Variants in DNAJC24 observed in about 807,000 individuals in gnomAD.
DNAJC24 encodes dnaJ homolog subfamily C member 24.
DNAJC24 carries 17 observed loss-of-function variants against 18.0 expected under a neutral mutation model. The ratio of observed to expected loss-of-function variants is 0.94; its 90% CI spans 0.65 to 1.42. The LOEUF (loss-of-function observed/expected upper bound fraction) is 1.42. Among genes scored for constraint, DNAJC24 ranks in the 40% most tolerant of loss-of-function variants. The pLI, the probability that DNAJC24 is intolerant of heterozygous loss-of-function variation, is 0.00. For missense variants in DNAJC24, 158 were observed against 175.6 expected (o/e 0.90, Z 0.57); for synonymous variants, 55 against 57.7 (o/e 0.95, Z 0.21).
Position 31,432,624 on chromosome 11 carries a change from T to C in DNAJC24, c.*2223T>C. 1.8e-6 allele frequency: 2 copies of C among 1,131,478 alleles called. No homozygotes were observed. Among genetic ancestry groups the C allele is most frequent in the South Asian group, 2.5e-5 (2 of 80,638 alleles). 70.1% of individuals were successfully genotyped at this position (1,131,478 alleles called of 1,614,324 possible). Reference sequence around the variant, plus strand: ...TAGTGAAAGTAATGTTATAGTATCATCATATTCCCTTTTGCTATCTGTCCC... The same window carrying C: ...TAGTGAAAGTAATGTTATAGTATCACCATATTCCCTTTTGCTATCTGTCCC... On this transcript the variant is annotated 3_prime_UTR_variant, in exon 5 of 5. Coordinates refer to ENST00000465995, the MANE Select transcript of DNAJC24 (RefSeq NM_181706.5).
chr11:31,378,525 A>G (rs1272956862), intron 2 of DNAJC24, among the ~76,000 whole-genome samples: 1 of 152,206 alleles, frequency 6.6e-6, no homozygotes, highest in Non-Finnish European at 1.5e-5. Flanking sequence ...TATTTCTAAT[A>G]TATAGATGGG....
chr11:31,376,999 G>A (rs1952322368), intron 2 of DNAJC24, among the ~76,000 whole-genome samples: 1 of 151,986 alleles, frequency 6.6e-6, no homozygotes, highest in Non-Finnish European at 1.5e-5. Flanking sequence ...ACAAAAACAG[G>A]CTTTTAAAGT....
intron 2 of DNAJC24, among the ~76,000 whole-genome samples, chr11:31,404,485 G>A (rs1311989688): frequency 6.6e-6 from 1 of 152,108 alleles, no homozygotes; most frequent in Non-Finnish European, 1.5e-5. Flanking sequence ...TTTGCAAGCT[G>A]GGGGTGGAAA....
chr11:31,412,783 C>T (rs557171097), intron 2 of DNAJC24, among the ~76,000 whole-genome samples: 3 of 152,084 alleles, frequency 2.0e-5, no homozygotes, highest in Non-Finnish European at 2.9e-5. Context: ...CATTGTTTGC[C>T]GTAGAATCTT....
chr11:31,426,396 AG>A (rs1952861653), intron 4 of DNAJC24, 41 bp downstream of exon 4: 3 of 1,073,636 alleles, frequency 2.8e-6, no homozygotes, highest in Non-Finnish European at 4.0e-6. Context: ...TAAAAAAAAA[AG>A]GAATTTTCTA....
At chr11:31,382,048 G>A (rs1289827098) in intron 2 of DNAJC24, among the ~76,000 whole-genome samples, 1 of 152,126 alleles carries the variant, frequency 6.6e-6, no homozygotes, top group Non-Finnish European at 1.5e-5. Flanking sequence ...CATTCACTCA[G>A]CATTTGTTAG....
intron 2 of DNAJC24, among the ~76,000 whole-genome samples, chr11:31,393,317 GATCCTCTTAGCTA>G: frequency 6.6e-6 from 1 of 152,268 alleles, no homozygotes; most frequent in African/African-American, 2.4e-5. Flanking sequence ...CTTATATGCA[GATCCTCTTAGCTA>G]AGGACGTGGG....
chr11:31,376,851 A>T (rs1015337381), intron 2 of DNAJC24, among the ~76,000 whole-genome samples: 1 of 152,120 alleles, frequency 6.6e-6, no homozygotes, highest in African/African-American at 2.4e-5. Context: ...TTTTGAAAGG[A>T]TCTAGATTTT....
At chr11:31,387,986 A>G (rs1332468409) in intron 2 of DNAJC24, among the ~76,000 whole-genome samples, 1 of 152,170 alleles carries the variant, frequency 6.6e-6, no homozygotes, top group Non-Finnish European at 1.5e-5. Flanking sequence ...ATTCATCAGC[A>G]TATCTTAACA....
At chr11:31,387,979 C>G (rs940133745) in intron 2 of DNAJC24, among the ~76,000 whole-genome samples, 1 of 151,960 alleles carries the variant, frequency 6.6e-6, no homozygotes, top group African/African-American at 2.4e-5. Flanking sequence ...CTGAAGAATT[C>G]ATCAGCATAT....
At chr11:31,395,198 G>T (rs2133481380) in intron 2 of DNAJC24, among the ~76,000 whole-genome samples, 1 of 152,254 alleles carries the variant, frequency 6.6e-6, no homozygotes, top group South Asian at 2.1e-4. Flanking sequence ...CATGTTGCTG[G>T]AAAGGAATGA....
Position 31,370,758 on chromosome 11 carries a change from G to C in DNAJC24, c.10G>C (p.Val4Leu). ...ACTTCTGGTTCCATGGATGATGGCG[G>C]TTGAGCAGATGCCAAAAAAGGATTG... is the stretch of plus-strand genomic sequence containing the variant. Reference protein sequence around the residue: MMAVEQMPKKDWYS... With the variant: MMALEQMPKKDWYS... The change falls in exon 2 of 5, where the codon GTT becomes CTT. Residue 4 changes from valine to leucine, a missense_variant. Physicochemically the swap from Val to Leu is conservative, Grantham distance 32. Coordinates refer to ENST00000465995, the MANE Select transcript of DNAJC24 (RefSeq NM_181706.5). 6.2e-7 allele frequency: 1 copy of C among 1,608,364 alleles called. No individual in the cohort carries two copies. The highest frequency in any genetic ancestry group is 8.5e-7 in the Non-Finnish European group (1 of 1,177,748).
intron 2 of DNAJC24, among the ~76,000 whole-genome samples, chr11:31,392,661 G>T (rs1246560747): frequency 6.6e-6 from 1 of 151,094 alleles, no homozygotes; most frequent in African/African-American, 2.4e-5. Context: ...TTGTGAATGA[G>T]ATTAATGCCC....
intron 2 of DNAJC24, among the ~76,000 whole-genome samples, chr11:31,398,341 A>G (rs553980741): frequency 1.1e-4 from 16 of 152,090 alleles, no homozygotes; most frequent in Admixed American, 6.6e-4. Flanking sequence ...AGCCTTATGC[A>G]TGTAATCCCA....
At chr11:31,390,442 T>C (rs1591905379) in intron 2 of DNAJC24, among the ~76,000 whole-genome samples, 1 of 143,176 alleles carries the variant, frequency 7.0e-6, no homozygotes, top group South Asian at 2.2e-4. Context: ...GTGCGGTGGC[T>C]CATGCCTGTA....
intron 2 of DNAJC24, among the ~76,000 whole-genome samples, chr11:31,410,887 T>C (rs557739500): frequency 6.6e-6 from 1 of 152,346 alleles, no homozygotes; most frequent in Non-Finnish European, 1.5e-5. Flanking sequence ...GAAATTTTGA[T>C]AGGGATTGTA....
At chr11:31,377,717 C>T (rs1952332156) in intron 2 of DNAJC24, among the ~76,000 whole-genome samples, 1 of 152,102 alleles carries the variant, frequency 6.6e-6, no homozygotes, top group Non-Finnish European at 1.5e-5. Flanking sequence ...GAGAAAGCTT[C>T]ATCTCAAAAG....
Position 31,414,943 on chromosome 11 carries a change from C to A in DNAJC24, c.244C>A (p.Arg82=). 1 of 1,612,902 alleles carries A rather than the reference C, an allele frequency of 6.2e-7. No homozygotes were observed. Among genetic ancestry groups the A allele is most frequent in the Non-Finnish European group, 8.5e-7 (1 of 1,179,622 alleles). The change falls in exon 3 of 5, where the codon CGG becomes AGG. Residue 82 remains arginine (R), a synonymous_variant. Transcript: ENST00000465995. ...GACAAAAAGAGAGTATGACCTGCAG[C>A]GGTGTGGTAGGTGCTTGTGTTGAGG... ...EETKREYDLQ[R]CEDDLRNVGP...
intron 2 of DNAJC24, chr11:31,408,192 A>G: frequency 2.2e-6 from 1 of 456,230 alleles, no homozygotes; most frequent in Non-Finnish European, 4.4e-6. Flanking sequence ...TGAAGCACTC[A>G]TCTTCTGACT....
Sources: gnomAD v4.1 joint callset for allele counts (sites outside exome capture counted in the v4.1 genomes callset) on GRCh38, gnomAD v4.1.1 for gene constraint, MANE v1.5 for transcripts, NCBI Gene and HGNC (gene_info 2026-07-23, HGNC 2026-07-21) for gene names.